Variants in CDH22 observed in about 807,000 individuals in gnomAD.
CDH22 encodes the protein cadherin-22.
In CDH22, 30 loss-of-function variants were observed where a neutral mutation model predicts 58.4. The observed-to-expected ratio is 0.51, with a 90% confidence interval of 0.38 to 0.70. CDH22 has a LOEUF of 0.70. CDH22 is among the 30% of genes least tolerant of loss of function. CDH22 has a pLI of 0.00. For missense variants in CDH22, 1,014 were observed against 1,233.9 expected, an observed-to-expected ratio of 0.82 and a Z score of 2.67; for synonymous variants, 513 against 558.2, an observed-to-expected ratio of 0.92 and a Z score of 1.14.
intron 1 of CDH22, among the ~76,000 whole-genome samples, chr20:46,263,012 C>G (rs1430262195): frequency 6.6e-6 from 1 of 152,218 alleles, no homozygotes; most frequent in African/African-American, 2.4e-5. Flanking sequence ...TCAGCCTCCT[C>G]CCCTGACCCT....
chr20:46,222,443 G>A (rs1196959205), intron 4 of CDH22, among the ~76,000 whole-genome samples: 3 of 152,214 alleles, frequency 2.0e-5, no homozygotes, highest in Non-Finnish European at 4.4e-5. Context: ...CCCAGGATCT[G>A]GCACTTAGAA....
intron 7 of CDH22, among the ~76,000 whole-genome samples, chr20:46,200,362 T>C (rs2145672368): frequency 6.7e-6 from 1 of 150,186 alleles, no homozygotes; most frequent in Non-Finnish European, 1.5e-5. Flanking sequence ...GCAGCCTCCA[T>C]CTCCTGGGCT....
intron 8 of CDH22, 27 bp downstream of exon 8, chr20:46,199,396 T>A (rs1416714133): frequency 5.0e-6 from 8 of 1,600,752 alleles, no homozygotes; most frequent in Non-Finnish European, 6.8e-6. Flanking sequence ...ATATTTGCCC[T>A]TGGAGGGGGC....
At chr20:46,206,926 C>T (rs552200917) in intron 7 of CDH22, among the ~76,000 whole-genome samples, 65 of 152,300 alleles carry the variant, frequency 4.3e-4, no homozygotes, top group Admixed American at 1.4e-3. Flanking sequence ...ACCCTTAGAG[C>T]GAGCTGGACT....
chr20:46,213,586 G>C (rs1283023186), intron 5 of CDH22, among the ~76,000 whole-genome samples: 1 of 152,156 alleles, frequency 6.6e-6, no homozygotes, highest in African/African-American at 2.4e-5. Flanking sequence ...TAACGATGGT[G>C]CCTTCCTAAC....
At chr20:46,244,536 T>A (rs1208254907) in intron 2 of CDH22, among the ~76,000 whole-genome samples, 1 of 152,262 alleles carries the variant, frequency 6.6e-6, no homozygotes, top group Non-Finnish European at 1.5e-5. Flanking sequence ...GTCAGACATG[T>A]GTTGCAGGCC....
At chr20:46,209,239 T>TG (rs1438610493) in intron 7 of CDH22, among the ~76,000 whole-genome samples, 1 of 152,082 alleles carries the variant, frequency 6.6e-6, no homozygotes, top group Non-Finnish European at 1.5e-5. Flanking sequence ...GAGCGAACTA[T>TG]GGGGGCTATT....
At chr20:46,285,952 C>T (rs557641284) in intron 1 of CDH22, among the ~76,000 whole-genome samples, 7 of 152,276 alleles carry the variant, frequency 4.6e-5, no homozygotes, top group South Asian at 4.1e-4. Context: ...AAAATGGGCA[C>T]GACAGGCTGT....
intron 4 of CDH22, among the ~76,000 whole-genome samples, chr20:46,218,212 C>T (rs1377056886): frequency 1.3e-5 from 2 of 152,224 alleles, no homozygotes; most frequent in Non-Finnish European, 1.5e-5. Flanking sequence ...GTGTGAGCCA[C>T]TGCACTTGGT....
Position 46,210,545 on chromosome 20 carries a change from A to T in CDH22, c.1048T>A (p.Ser350Thr), listed in dbSNP as rs750193948. 2.2e-5 allele frequency: 32 copies of T among 1,427,318 alleles called. No homozygotes were observed. The highest frequency in any genetic ancestry group is 1.8e-4 in the Admixed American group (6 of 34,084). The allele number at this position is 1,427,318 out of a possible 1,614,324, so 88.4% of individuals were successfully genotyped here. Reference protein sequence around the residue: ...IVVQKRLDFESQPVHTVILEA... With the variant: ...IVVQKRLDFETQPVHTVILEA... ...AGGATCACGGTGTGCACGGGCTGGG[A>T]TTCGAAGTCCAGGCGCTGCGGGAGG... Residue 350 changes from serine to threonine, a missense_variant, in exon 7 of 12, where the codon TCC becomes ACC. Transcript: ENST00000537909. This position sits in a 1 kb window ranked among gnomAD's most constrained non-coding sequence, Gnocchi z 4.5.
chr20:46,263,419 T>TGTGTGTGTGTGC, intron 1 of CDH22, among the ~76,000 whole-genome samples: 1 of 151,470 alleles, frequency 6.6e-6, no homozygotes, highest in Admixed American at 6.6e-5. Flanking sequence ...TGTGTGTGTG[T>TGTGTGTGTGTGC]GTGTGTGTGC....
rs1428154203 is a variant in CDH22, at chr20:46,227,399, A to G, written c.670+109T>C. On this transcript the variant is annotated intron_variant, in intron 4 of 11. Coordinates refer to ENST00000537909, the MANE Select transcript of CDH22 (RefSeq NM_021248.3). ...ACAAGGTGCCCCCTGTGCTGTCCTCAGAGCTTCTGGGACAGAAGGCTCAGA... is the reference window on the plus strand; with the variant it reads ...ACAAGGTGCCCCCTGTGCTGTCCTCGGAGCTTCTGGGACAGAAGGCTCAGA... 3.6e-6 allele frequency: 4 copies of G among 1,111,704 alleles called. No individual in the cohort carries two copies. In the Admixed American group the frequency reaches 6.3e-5, roughly 17 times the overall value. The allele number at this position is 1,111,704 out of a possible 1,614,324, so 68.9% of individuals were successfully genotyped here.
chr20:46,175,365 G>A (rs1336242778), intron 11 of CDH22, among the ~76,000 whole-genome samples: 1 of 152,196 alleles, frequency 6.6e-6, no homozygotes, highest in Non-Finnish European at 1.5e-5. Flanking sequence ...TTTCCTGGGT[G>A]TTGAGGCCTG....
chr20:46,213,491 A>G (rs548519235), intron 5 of CDH22, among the ~76,000 whole-genome samples: 6 of 152,308 alleles, frequency 3.9e-5, no homozygotes, highest in Non-Finnish European at 8.8e-5. Flanking sequence ...ACAGAGGAGC[A>G]CAGTGATAAA....
chr20:46,207,771 C>A (rs2086012007), intron 7 of CDH22, among the ~76,000 whole-genome samples: 1 of 152,200 alleles, frequency 6.6e-6, no homozygotes, highest in Non-Finnish European at 1.5e-5. Flanking sequence ...TATACCTCTG[C>A]ACAAGCTGTT....
intron 1 of CDH22, among the ~76,000 whole-genome samples, chr20:46,270,073 G>T (rs1351651976): frequency 2.0e-5 from 3 of 152,186 alleles, no homozygotes. Flanking sequence ...TAGAGCAAAG[G>T]GGAAAGGAAT....
chr20:46,241,196 G>A lies in CDH22; in HGVS notation c.317C>T (p.Ala106Val). The A allele has an allele frequency of 6.2e-7, 1 of 1,613,990 alleles. No individual in the cohort carries two copies. The highest frequency in any genetic ancestry group is 8.5e-7 in the Non-Finnish European group (1 of 1,179,930). ...CTCGTCGATCAGGAAGATGGTCCCA[G>A]CACCCTCGCCTGAGATGGTGTACTT... ...AIKYTISGEGAGTIFLIDELT... is the reference protein window; with the variant it reads ...AIKYTISGEGVGTIFLIDELT... Residue 106 changes from alanine to valine, a missense_variant, in exon 3 of 12, where the codon GCT becomes GTT. Transcript: ENST00000537909. The surrounding 1 kb of genome is among the most constrained non-coding windows in gnomAD (Gnocchi z 5.2).
intron 1 of CDH22, among the ~76,000 whole-genome samples, chr20:46,263,179 G>A (rs911856582): frequency 2.8e-4 from 43 of 152,216 alleles, no homozygotes; most frequent in Admixed American, 6.5e-4. Context: ...TACTGAATGT[G>A]TGAGTGAATC....
chr20:46,260,083 G>A (rs2086425901), intron 1 of CDH22, among the ~76,000 whole-genome samples: 1 of 152,172 alleles, frequency 6.6e-6, no homozygotes, highest in African/African-American at 2.4e-5. Context: ...GATTTAGAAA[G>A]TATTATGTGA....
Sources: allele counts gnomAD v4.1 joint callset (sites outside exome capture counted in the v4.1 genomes callset), GRCh38; gene constraint gnomAD v4.1.1; non-coding constraint Gnocchi (gnomAD v3.1); transcripts MANE v1.5; gene names NCBI Gene and HGNC (gene_info 2026-07-23, HGNC 2026-07-21).